The following UGT2B17 variants were observed in gnomAD, a reference collection of about 807,000 sequenced individuals.
UGT2B17 encodes the protein UDP glucuronosyltransferase family 2 member B17, also known as UDP-glucuronosyltransferase 2B17.
A neutral mutation model predicts 48.2 loss-of-function variants in UGT2B17; 21 were observed. The ratio of observed to expected loss-of-function variants is 0.44; its 90% CI spans 0.31 to 0.63. The LOEUF is 0.63. Ranked by LOEUF, UGT2B17 falls within the 20% of genes least tolerant of loss-of-function variation. The pLI, the probability that UGT2B17 is intolerant of heterozygous loss-of-function variation, is 0.08. For synonymous variants in UGT2B17, 146 were observed against 238.4 expected, an observed-to-expected ratio of 0.61 and a Z score of 3.57; for missense variants, 402 against 696.1, an observed-to-expected ratio of 0.58 and a Z score of 4.75.
intron 6 of UGT2B17, among the ~76,000 whole-genome samples, chr4:68,540,626 G>A (rs1356661384): frequency 1.6e-5 from 2 of 126,644 alleles, no homozygotes; most frequent in Admixed American, 1.6e-4. Flanking sequence ...CATCTGGTCG[G>A]TTCACATTTT....
intron 1 of UGT2B17, among the ~76,000 whole-genome samples, chr4:68,569,166 T>G (rs1731260314): frequency 8.1e-6 from 1 of 123,868 alleles, no homozygotes; most frequent in African/African-American, 2.8e-5. Context: ...AGGCTTGCAT[T>G]GTGAATTTTA....
rs146928799 is a variant in UGT2B17, at chr4:68,542,086, G to T, written c.1314-4182C>A. Among the ~76,000 whole-genome samples, 6 of 123,866 alleles carry T rather than the reference G, an allele frequency of 4.8e-5. 2 individuals carry two copies. In the East Asian group the frequency reaches 4.7e-3, roughly 96 times the overall value. The allele number at this position is 123,866 out of a possible 152,430, so 81.3% of individuals were successfully genotyped here. A position where few individuals can be genotyped will look rare whatever the true frequency, so the allele number is the denominator to read the frequency against. On this transcript the variant is annotated intron_variant, in intron 6 of 6. Transcript: ENST00000317746. Reference sequence around the variant, plus strand: ...ATCCAGTTGCAGTTTTCTCCATATGGCTAACCAGTTTTTCCAAAACACCAT... The same window carrying T: ...ATCCAGTTGCAGTTTTCTCCATATGTCTAACCAGTTTTTCCAAAACACCAT...
chr4:68,565,952 A>G (rs1560581399), intron 2 of UGT2B17, among the ~76,000 whole-genome samples: 1 of 118,784 alleles, frequency 8.4e-6, no homozygotes, highest in African/African-American at 2.8e-5. Context: ...ATTATATTAA[A>G]TTAATGTATT....
chr4:68,574,093 G>T (rs1731333282), intron 1 of UGT2B17, among the ~76,000 whole-genome samples: 1 of 127,036 alleles, frequency 7.9e-6, no homozygotes. Context: ...TTTGTTTATT[G>T]TGTAGTTGGA....
Position 68,567,831 on chromosome 4 carries a change from C to A in UGT2B17, c.654G>T (p.Met218Ile). The A allele has an allele frequency of 7.3e-7, 1 of 1,372,634 alleles. No homozygotes were observed. The highest frequency in any genetic ancestry group is 9.5e-7 in the Non-Finnish European group (1 of 1,052,138). The allele number at this position is 1,372,634 out of a possible 1,614,324, so 85.0% of individuals were successfully genotyped here. ...FMERIKNMIYMLYFDFWFQAY... is the reference protein window; with the variant it reads ...FMERIKNMIYILYFDFWFQAY... The stretch of plus-strand genomic sequence containing the variant: ...CTTGAAACCAAAAGTCAAAATAAAG[C>A]ATATATATCATATTTTTTATCCTCT... Residue 218 changes from methionine (M) to isoleucine (I), a missense_variant, in exon 2 of 7, where the codon ATG (methionine) becomes ATT (isoleucine). This residue lies in a region of UGT2B17 where 106 missense variants were observed against 169.8 expected (regional missense o/e 0.62). Coordinates refer to ENST00000317746, the MANE Select transcript of UGT2B17 (RefSeq NM_001077.4).
In UGT2B17 at chr4:68,545,059, C is replaced by A. The variant is rs996140082; in HGVS notation, c.1313+5618G>T. Among the ~76,000 whole-genome samples the A allele has an allele frequency of 4.0e-5, 5 of 125,764 alleles. 1 individual carries two copies. The highest frequency in any genetic ancestry group is 1.4e-4 in the African/African-American group (5 of 36,800). 82.5% of individuals were successfully genotyped at this position (125,764 alleles called of 152,430 possible). Reference sequence around the variant, plus strand: ...GGATATCCAAGAATTGAACTCAGCTCTGCACGAAGAGGACCTAATAGACAT... The same window carrying A: ...GGATATCCAAGAATTGAACTCAGCTATGCACGAAGAGGACCTAATAGACAT... On this transcript the variant is annotated intron_variant, in intron 6 of 6. Transcript: ENST00000317746.
Position 68,574,404 on chromosome 4 carries a change from G to A in UGT2B17, c.-65+1547C>T, listed in dbSNP as rs1208428241. ...TCCAATTTTTCATAGTTGACCATAA[G>A]GTAAGATTTTATAGACTCTGTTTAA... On this transcript the variant is annotated intron_variant, in intron 1 of 6. Coordinates refer to ENST00000317746, the MANE Select transcript of UGT2B17 (RefSeq NM_001077.4). 7.1e-5 allele frequency among the ~76,000 whole-genome samples: 9 copies of A among 126,216 alleles called. 2 individuals are homozygous for A. The highest frequency in any genetic ancestry group is 2.4e-4 in the African/African-American group (9 of 36,858). The allele number at this position is 126,216 out of a possible 152,430, so 82.8% of individuals were successfully genotyped here. A position where few individuals can be genotyped will look rare whatever the true frequency, so the allele number is the denominator to read the frequency against.
At chr4:68,544,645 C>A (rs1207581152) in intron 6 of UGT2B17, among the ~76,000 whole-genome samples, 2 of 126,050 alleles carry the variant, frequency 1.6e-5, no homozygotes, top group Non-Finnish European at 1.7e-5. Context: ...AAGACACAGA[C>A]TGGCAAACTG....
chr4:68,541,055 T>A (rs1381256585), intron 6 of UGT2B17, among the ~76,000 whole-genome samples: 2 of 125,590 alleles, frequency 1.6e-5, no homozygotes, highest in Non-Finnish European at 3.4e-5. Flanking sequence ...CATTGATGAG[T>A]ATTTGTGTTG....
In UGT2B17 at chr4:68,564,955, T is replaced by C. The variant is rs1449742662; in HGVS notation, c.873+617A>G. On this transcript the variant is annotated intron_variant, in intron 3 of 6. Coordinates refer to ENST00000317746, the MANE Select transcript of UGT2B17 (RefSeq NM_001077.4). ...ACTCCTGAGCCCAAGCAATCGTCCC[T>C]TCTCTGCCTCCCAAAATTCAGGGAT... is the stretch of plus-strand genomic sequence containing the variant. 4.0e-5 allele frequency among the ~76,000 whole-genome samples: 5 copies of C among 125,434 alleles called. 2 individuals are homozygous for C. The highest frequency in any genetic ancestry group is 2.5e-4 in the Admixed American group (3 of 12,206). The allele number at this position is 125,434 out of a possible 152,430, so 82.3% of individuals were successfully genotyped here.
At position 68,574,381 on chromosome 4, in the gene UGT2B17, C is replaced by T. The variant is rs568701097; in HGVS notation, c.-65+1570G>A. On this transcript the variant is annotated intron_variant, in intron 1 of 6. Transcript: ENST00000317746. ...ATAAAACCTTGTAGACATATTTATCCAATTTTTCATAGTTGACCATAAGGT... is the reference window on the plus strand; with the variant it reads ...ATAAAACCTTGTAGACATATTTATCTAATTTTTCATAGTTGACCATAAGGT... 2.9e-4 allele frequency among the ~76,000 whole-genome samples: 36 copies of T among 125,738 alleles called. 4 individuals are homozygous for T. Among genetic ancestry groups the T allele is most frequent in the African/African-American group, 8.4e-4 (31 of 36,812 alleles). The allele number at this position is 125,738 out of a possible 152,430, so 82.5% of individuals were successfully genotyped here. A position where few individuals can be genotyped will look rare whatever the true frequency, so the allele number is the denominator to read the frequency against.
rs559097531 is a variant in UGT2B17 at position 68,575,188 on chromosome 4, CT to C, written c.-65+762del. ...TTTACTTAGAATTGGTATAGATGGCCTTTTTTTTTTTTTTCTCTGCTGGTCT... is the reference window on the plus strand; with the variant it reads ...TTTACTTAGAATTGGTATAGATGGCCTTTTTTTTTTTTTCTCTGCTGGTCT... On this transcript the variant is annotated intron_variant, in intron 1 of 6. Coordinates refer to ENST00000317746, the MANE Select transcript of UGT2B17 (RefSeq NM_001077.4). 3.3e-3 allele frequency among the ~76,000 whole-genome samples: 267 copies of C among 81,844 alleles called. 18 individuals carry two copies. Among genetic ancestry groups the C allele is most frequent in the East Asian group, 0.022 (18 of 816 alleles). 53.7% of individuals were successfully genotyped at this position (81,844 alleles called of 152,430 possible).
chr4:68,547,933 C>T (rs1434798779), intron 6 of UGT2B17, among the ~76,000 whole-genome samples: 4 of 126,460 alleles, frequency 3.2e-5, no homozygotes, highest in Non-Finnish European at 6.7e-5. Context: ...ACCACAGGTG[C>T]TGGAGAGGAT....
chr4:68,544,659 C>T (rs749984929), intron 6 of UGT2B17, among the ~76,000 whole-genome samples: 1 of 125,784 alleles, frequency 8.0e-6, no homozygotes, highest in Non-Finnish European at 1.7e-5. Flanking sequence ...CAAACTGGAT[C>T]AAGAGTCAAG....
chr4:68,543,903 A>G lies in UGT2B17; in HGVS notation c.1314-5999T>C, dbSNP rs1215169178. Reference sequence around the variant, plus strand: ...GACAAAAAAGAATAAAAAGAAATGAACAAAGCCTCCAAGAAATATGGGACT... The same window carrying G: ...GACAAAAAAGAATAAAAAGAAATGAGCAAAGCCTCCAAGAAATATGGGACT... On this transcript the variant is annotated intron_variant, in intron 6 of 6. Coordinates refer to ENST00000317746, the MANE Select transcript of UGT2B17 (RefSeq NM_001077.4). Among the ~76,000 whole-genome samples the G allele has an allele frequency of 1.2e-4, 15 of 126,104 alleles. 6 individuals carry two copies. The South Asian group carries it at 2.2e-3, about 19-fold the overall frequency. The allele number at this position is 126,104 out of a possible 152,430, so 82.7% of individuals were successfully genotyped here.
rs538312948 is a variant in UGT2B17, at chr4:68,568,989, C to G, written c.-64-441G>C. The stretch of plus-strand genomic sequence containing the variant: ...TTCTATACAATAGCCTCTAACCCCC[C>G]ACTCTGAAATTTTGCATCCATCCTA... On this transcript the variant is annotated intron_variant, in intron 1 of 6. Transcript: ENST00000317746. Among the ~76,000 whole-genome samples, 12 of 137,942 alleles carry G rather than the reference C, an allele frequency of 8.7e-5. No homozygotes were observed. The South Asian group carries it at 8.8e-4, about 10-fold the overall frequency. The allele number at this position is 137,942 out of a possible 152,430, so 90.5% of individuals were successfully genotyped here.
chr4:68,569,714 C>T (rs1278976422), intron 1 of UGT2B17, among the ~76,000 whole-genome samples: 1 of 125,730 alleles, frequency 8.0e-6, no homozygotes, highest in Non-Finnish European at 1.7e-5. Flanking sequence ...GACATGAACC[C>T]TTGAAGATCA....
At position 68,558,650 on chromosome 4, in the gene UGT2B17, C is replaced by T. The variant is rs1408327219; in HGVS notation, c.1005+1887G>A. On this transcript the variant is annotated intron_variant, in intron 4 of 6. Transcript: ENST00000317746. ...TGCTAAAAATGAACTTTCCTAATAACTCAGGACCTGCTTAGGAATAAACCT... is the reference window on the plus strand; with the variant it reads ...TGCTAAAAATGAACTTTCCTAATAATTCAGGACCTGCTTAGGAATAAACCT... Among the ~76,000 whole-genome samples, 8 of 126,080 alleles carry T rather than the reference C, an allele frequency of 6.3e-5. 2 individuals carry two copies. The allele number at this position is 126,080 out of a possible 152,430, so 82.7% of individuals were successfully genotyped here.
chr4:68,558,297 C>T (rs1731039647), intron 4 of UGT2B17, among the ~76,000 whole-genome samples: 1 of 124,368 alleles, frequency 8.0e-6, no homozygotes, highest in Non-Finnish European at 1.7e-5. Flanking sequence ...ACAGTTTGGA[C>T]TGAATTCTAA....
Sources: gnomAD v4.1 joint callset for allele counts (sites outside exome capture counted in the v4.1 genomes callset) on GRCh38, gnomAD v4.1.1 for gene constraint, gnomAD v4.1.1 regional missense constraint, MANE v1.5 for transcripts, NCBI Gene and HGNC (gene_info 2026-07-23, HGNC 2026-07-21) for gene names.